TGFBRAP1: variants seen among roughly 807,000 people sequenced by gnomAD.
The protein encoded by TGFBRAP1 is transforming growth factor-beta receptor-associated protein 1.
A neutral mutation model predicts 83.2 loss-of-function variants in TGFBRAP1; 20 were observed. The observed-to-expected ratio is 0.24, with a 90% CI of 0.17 to 0.35. TGFBRAP1 has a LOEUF of 0.35. TGFBRAP1 is among the 10% of genes least tolerant of loss of function. The pLI, the probability that TGFBRAP1 is intolerant of heterozygous loss-of-function variation, is 1.00. For synonymous variants in TGFBRAP1, 415 were observed against 459.8 expected, an observed-to-expected ratio of 0.90 and a Z score of 1.25; for missense variants, 950 against 1,099.4, an observed-to-expected ratio of 0.86 and a Z score of 1.92.
At chr2:105,293,915 G>A (rs185131330) in intron 4 of TGFBRAP1, among the ~76,000 whole-genome samples, 1 of 152,306 alleles carries the variant, frequency 6.6e-6, no homozygotes, top group East Asian at 1.9e-4. Flanking sequence ...GCCACAAATC[G>A]CAGGTGCATG....
chr2:105,299,052 G>A (rs967292877), intron 2 of TGFBRAP1, among the ~76,000 whole-genome samples: 3 of 152,156 alleles, frequency 2.0e-5, no homozygotes, highest in African/African-American at 7.2e-5. Context: ...ACAGAGGCGG[G>A]CAGATGGTGC....
chr2:105,273,442 C>A, intron 9 of TGFBRAP1, 102 bp downstream of exon 9: 2 of 1,495,104 alleles, frequency 1.3e-6, no homozygotes, highest in South Asian at 2.6e-5. Context: ...GGATGGATCA[C>A]CCAGGGAACA....
chr2:105,323,675 T>C (rs1055209964), intron 1 of TGFBRAP1, among the ~76,000 whole-genome samples: 5 of 152,146 alleles, frequency 3.3e-5, no homozygotes, highest in Non-Finnish European at 7.3e-5. Flanking sequence ...ATGCAGTGTT[T>C]GTGCTAAATG....
At position 105,264,527 on chromosome 2, in the gene TGFBRAP1, G is replaced by C. The variant is rs143259329; in HGVS notation, c.*2856C>G. 1 of 152,180 alleles carries C rather than the reference G, an allele frequency of 6.6e-6. No individual in the cohort carries two copies. 9.4% of individuals were successfully genotyped at this position (152,180 alleles called of 1,614,324 possible). On this transcript the variant is annotated 3_prime_UTR_variant, in exon 12 of 12. Transcript: ENST00000393359. ...CATTTTGTGTATCTGGGACCCAATC[G>C]GGACAAAGGATAAAGTTGCAAGGAC...
intron 1 of TGFBRAP1, among the ~76,000 whole-genome samples, chr2:105,319,164 G>GA (rs1354709298): frequency 6.6e-6 from 1 of 151,952 alleles, no homozygotes; most frequent in Non-Finnish European, 1.5e-5. Flanking sequence ...AGGTTCAAGC[G>GA]ATTCTCGTGC....
At chr2:105,320,600 C>T (rs1679028007) in intron 1 of TGFBRAP1, among the ~76,000 whole-genome samples, 1 of 152,168 alleles carries the variant, frequency 6.6e-6, no homozygotes, top group South Asian at 2.1e-4. Context: ...AAACTCCAGA[C>T]TCAGCTTAAG....
chr2:105,260,779 A>G (rs1037469334), downstream of TGFBRAP1, among the ~76,000 whole-genome samples: 1 of 152,260 alleles, frequency 6.6e-6, no homozygotes, highest in South Asian at 2.1e-4. Context: ...CAATAAAAAA[A>G]ATACTATGAA....
At chr2:105,289,170 G>A (rs1677818315) in intron 4 of TGFBRAP1, among the ~76,000 whole-genome samples, 1 of 151,910 alleles carries the variant, frequency 6.6e-6, no homozygotes, top group African/African-American at 2.4e-5. Flanking sequence ...CAAGAAAAGA[G>A]GGAGAGCACA....
chr2:105,258,696 T>C, the TGFBRAP1 span, among the ~76,000 whole-genome samples: 2 of 150,522 alleles, frequency 1.3e-5, no homozygotes, highest in African/African-American at 4.9e-5. Context: ...AATAAATCAG[T>C]CTCTCAATCA....
At chr2:105,256,349 G>T in the TGFBRAP1 span, among the ~76,000 whole-genome samples, 1 of 152,004 alleles carries the variant, frequency 6.6e-6, no homozygotes, top group African/African-American at 2.4e-5. Context: ...CATTTCCAAG[G>T]GGCCATCACC....
At chr2:105,271,926 T>C (rs2104313691) in intron 10 of TGFBRAP1, among the ~76,000 whole-genome samples, 1 of 152,320 alleles carries the variant, frequency 6.6e-6, no homozygotes, top group African/African-American at 2.4e-5. Flanking sequence ...TTTCACGGGC[T>C]ATTTATTGCC....
intron 1 of TGFBRAP1, among the ~76,000 whole-genome samples, chr2:105,329,195 G>A (rs1679300545): frequency 6.6e-6 from 1 of 152,004 alleles, no homozygotes. Context: ...CCATACCAGG[G>A]ATGGAGGTGC....
At chr2:105,270,672 C>A (rs1452182499) in intron 10 of TGFBRAP1, among the ~76,000 whole-genome samples, 1 of 152,226 alleles carries the variant, frequency 6.6e-6, no homozygotes, top group Non-Finnish European at 1.5e-5. Context: ...CCTGTGTAGC[C>A]AAGGGCTGGC....
chr2:105,316,458 TGTGTGCGCGCGC>T lies in TGFBRAP1; in HGVS notation c.-17-8152_-17-8141del, dbSNP rs1462049129. Among the ~76,000 whole-genome samples the T allele has an allele frequency of 4.3e-3, 285 of 67,040 alleles. 3 individuals carry two copies. The highest frequency in any genetic ancestry group is 0.02 in the Middle Eastern group (3 of 150). 44.0% of individuals were successfully genotyped at this position (67,040 alleles called of 152,430 possible). On this transcript the variant is annotated intron_variant, in intron 1 of 11. Coordinates refer to ENST00000393359, the MANE Select transcript of TGFBRAP1 (RefSeq NM_004257.6). ...GTGTGTGTGTGTGTGTGTGTGTGTG[TGTGTGCGCGCGC>T]GCGCGCGCGCACGCGCACATAACTC...
At position 105,308,265 on chromosome 2, in the gene TGFBRAP1, C is replaced by T. The variant is rs367767483; in HGVS notation, c.37G>A (p.Val13Met). Reference sequence around the variant, plus strand: ...TCGCCCATCAGCAGCTCCCGCTCCACAGCAGAGACAAGCGTAAAGGCTTTG... The same window carrying T: ...TCGCCCATCAGCAGCTCCCGCTCCATAGCAGAGACAAGCGTAAAGGCTTTG... ...SIKAFTLVSA[V>M]ERELLMGDKE... Residue 13 changes from valine (V) to methionine (M), a missense_variant, in exon 2 of 12, where the codon GTG (valine) becomes ATG (methionine). Val to Met is a conservative substitution (Grantham distance 21). Coordinates refer to ENST00000393359, the MANE Select transcript of TGFBRAP1 (RefSeq NM_004257.6). The T allele has an allele frequency of 1.5e-5, 25 of 1,613,876 alleles. No individual in the cohort carries two copies. The highest frequency in any genetic ancestry group is 1.7e-5 in the Non-Finnish European group (20 of 1,179,868).
downstream of TGFBRAP1, among the ~76,000 whole-genome samples, chr2:105,263,874 G>C (rs983247380): frequency 6.6e-6 from 1 of 152,018 alleles, no homozygotes; most frequent in African/African-American, 2.4e-5. Flanking sequence ...CAACAAGAGC[G>C]AAATTCCATC....
rs538485376 is a variant in TGFBRAP1 at position 105,319,944 on chromosome 2, T to TAC, written c.-18+9679_-18+9680dup. ...CATACATGTTATATACACACATACA[T>TAC]ACACACACACACACAATAGGAAACT... On this transcript the variant is annotated intron_variant, in intron 1 of 11. Transcript: ENST00000393359. Among the ~76,000 whole-genome samples, 44 of 151,354 alleles carry TAC rather than the reference T, an allele frequency of 2.9e-4. No homozygotes were observed. The East Asian group carries it at 7.4e-3, about 25-fold the overall frequency.
chr2:105,310,485 G>C (rs1678655312), intron 1 of TGFBRAP1, among the ~76,000 whole-genome samples: 1 of 152,004 alleles, frequency 6.6e-6, no homozygotes, highest in African/African-American at 2.4e-5. Flanking sequence ...ACTCACCTAC[G>C]GGAGCTCATC....
the TGFBRAP1 span, among the ~76,000 whole-genome samples, chr2:105,252,471 G>A: frequency 1.3e-5 from 2 of 152,160 alleles, no homozygotes; most frequent in East Asian, 1.9e-4. Flanking sequence ...GGGGAGTGCC[G>A]GAATGCATTC....
Sources: gnomAD v4.1 joint callset for allele counts (sites outside exome capture counted in the v4.1 genomes callset) on GRCh38, gnomAD v4.1.1 for gene constraint, MANE v1.5 for transcripts, NCBI Gene and HGNC (gene_info 2026-07-23, HGNC 2026-07-21) for gene names.